The following PRELID2 variants were observed in gnomAD, a reference collection of about 807,000 sequenced individuals.
The protein encoded by PRELID2 is PRELI domain-containing protein 2.
PRELID2 carries 25 observed loss-of-function variants against 28.4 expected under a neutral mutation model. The ratio of observed to expected loss-of-function variants is 0.88; its 90% confidence interval spans 0.64 to 1.23. PRELID2 has a LOEUF of 1.23. PRELID2 is among the 50% of genes most tolerant of loss of function. The pLI, the probability that PRELID2 is intolerant of heterozygous loss-of-function variation, is 0.00. For synonymous variants in PRELID2, 76 were observed against 71.6 expected (o/e 1.06, Z -0.31); for missense variants, 201 against 214.4 (o/e 0.94, Z 0.39).
At chr5:145,578,066 T>C (rs1309471208) in intron 1 of PRELID2, among the ~76,000 whole-genome samples, 3 of 152,152 alleles carry the variant, frequency 2.0e-5, no homozygotes, top group Non-Finnish European at 4.4e-5. Flanking sequence ...GTTTCAACTT[T>C]TGGCATAATA....
chr5:145,770,192 A>T (rs926696892), intron 5 of PRELID2, among the ~76,000 whole-genome samples: 1 of 152,164 alleles, frequency 6.6e-6, no homozygotes, highest in Non-Finnish European at 1.5e-5. Flanking sequence ...TATATTTATT[A>T]TGTTGTACTT....
chr5:145,644,453 C>CAAA (rs200028907), intron 1 of PRELID2, among the ~76,000 whole-genome samples: 137 of 148,832 alleles, frequency 9.2e-4, no homozygotes, highest in Admixed American at 1.4e-3. Flanking sequence ...TTGAACTTTT[C>CAAA]AAAAAAAAAC....
intron 1 of PRELID2, among the ~76,000 whole-genome samples, chr5:145,594,996 C>T (rs1215420316): frequency 2.0e-5 from 3 of 151,862 alleles, no homozygotes; most frequent in African/African-American, 4.8e-5. Context: ...GGTGTGGTGG[C>T]GGGTGCCTAT....
chr5:145,434,964 C>T, the PRELID2 span, among the ~76,000 whole-genome samples: 7 of 152,144 alleles, frequency 4.6e-5, 1 homozygote. Context: ...TATTTTACTG[C>T]TAAGAGTCCC....
intron 1 of PRELID2, among the ~76,000 whole-genome samples, chr5:145,600,878 G>A (rs1416161260): frequency 6.6e-6 from 1 of 152,206 alleles, no homozygotes; most frequent in Non-Finnish European, 1.5e-5. Context: ...CCAGGCTGGT[G>A]TGATGGCTTA....
chr5:145,318,080 T>C, the PRELID2 span, among the ~76,000 whole-genome samples: 3 of 152,198 alleles, frequency 2.0e-5, no homozygotes, highest in African/African-American at 7.2e-5. Context: ...ATATTTGTCT[T>C]ATATTATCCT....
the PRELID2 span, among the ~76,000 whole-genome samples, chr5:145,312,295 G>A: frequency 1.3e-5 from 2 of 152,110 alleles, no homozygotes; most frequent in African/African-American, 4.8e-5. Context: ...AGGCTGCAGT[G>A]AGCCAAGATC....
At chr5:145,471,028 T>C (rs999129923), downstream of PRELID2, among the ~76,000 whole-genome samples, 59 of 152,184 alleles carry the variant, frequency 3.9e-4, no homozygotes, top group African/African-American at 1.4e-3. Context: ...GACAATTACA[T>C]TGTAGGGAGC....
chr5:145,424,434 CATG>C, the PRELID2 span, among the ~76,000 whole-genome samples: 1 of 152,232 alleles, frequency 6.6e-6, no homozygotes, highest in African/African-American at 2.4e-5. Context: ...GATATAATCT[CATG>C]GTGCACCGTT....
the PRELID2 span, among the ~76,000 whole-genome samples, chr5:145,329,912 G>A: frequency 6.6e-6 from 1 of 152,146 alleles, no homozygotes; most frequent in African/African-American, 2.4e-5. Context: ...TATTGGCTGT[G>A]GGTTTGTCAT....
At chr5:145,613,774 G>A (rs953999740) in intron 1 of PRELID2, among the ~76,000 whole-genome samples, 2 of 152,092 alleles carry the variant, frequency 1.3e-5, no homozygotes, top group Non-Finnish European at 2.9e-5. Context: ...TCTGTGGGTT[G>A]TCCATTTACT....
the PRELID2 span, among the ~76,000 whole-genome samples, chr5:145,393,434 T>C: frequency 2.0e-3 from 298 of 152,292 alleles, 1 homozygote; most frequent in African/African-American, 6.8e-3. Flanking sequence ...CAGAGTTTAA[T>C]TGAGCAAAGA....
At chr5:145,530,708 G>C (rs550538122) in intron 1 of PRELID2, among the ~76,000 whole-genome samples, 1 of 152,216 alleles carries the variant, frequency 6.6e-6, no homozygotes, top group South Asian at 2.1e-4. Flanking sequence ...CTGAAGCATT[G>C]AGAGCTAGTG....
intron 1 of PRELID2, among the ~76,000 whole-genome samples, chr5:145,611,914 A>G (rs1287124010): frequency 6.6e-6 from 1 of 152,206 alleles, no homozygotes; most frequent in African/African-American, 2.4e-5. Flanking sequence ...GAAAAGCTAC[A>G]GTTATTATGA....
chr5:145,604,456 C>T (rs1425851550), intron 1 of PRELID2, among the ~76,000 whole-genome samples: 1 of 151,962 alleles, frequency 6.6e-6, no homozygotes, highest in African/African-American at 2.4e-5. Flanking sequence ...GTATATATAC[C>T]ACATTTTCTT....
the PRELID2 span, among the ~76,000 whole-genome samples, chr5:145,409,374 A>G: frequency 0.22 from 32,750 of 152,118 alleles, 3,790 homozygotes; most frequent in South Asian, 0.33. Context: ...TAATATCTCA[A>G]TACTAACGTT....
intron 1 of PRELID2, among the ~76,000 whole-genome samples, chr5:145,595,057 G>T (rs60633209): frequency 0.071 from 10,807 of 151,818 alleles, 577 homozygotes; most frequent in Admixed American, 0.18. Flanking sequence ...GAACCCAGGA[G>T]GCAGAGGTTG....
chr5:145,375,589 C>T, the PRELID2 span, among the ~76,000 whole-genome samples: 8 of 152,200 alleles, frequency 5.3e-5, no homozygotes, highest in Non-Finnish European at 7.3e-5. Context: ...GCGAAGTCTG[C>T]TGATCAGCAG....
At chr5:145,581,622 T>C (rs537554263) in intron 1 of PRELID2, among the ~76,000 whole-genome samples, 1 of 152,040 alleles carries the variant, frequency 6.6e-6, no homozygotes, top group Non-Finnish European at 1.5e-5. Flanking sequence ...CATGTGAACA[T>C]TTAGGGTGAA....
Sources: allele counts gnomAD v4.1 joint callset (sites outside exome capture counted in the v4.1 genomes callset), GRCh38; gene constraint gnomAD v4.1.1; transcripts MANE v1.5; gene names NCBI Gene and HGNC (gene_info 2026-07-23, HGNC 2026-07-21).